Variants in LRRC7 observed in about 807,000 individuals in gnomAD.
The protein encoded by LRRC7 is leucine rich repeat containing 7, also known as leucine-rich repeat-containing protein 7.
In LRRC7, 23 loss-of-function variants were observed where a neutral mutation model predicts 175.7. That is an observed-to-expected ratio of 0.13 (90% CI 0.09 to 0.19). The LOEUF (loss-of-function observed/expected upper bound fraction) is 0.19. Among genes scored for constraint, LRRC7 ranks in the 10% least tolerant of loss-of-function variants. LRRC7 has a pLI of 1.00. For synonymous variants in LRRC7, 685 were observed against 680.9 expected, an observed-to-expected ratio of 1.01 and a Z score of -0.09; for missense variants, 1,354 against 1,904.7, an observed-to-expected ratio of 0.71 and a Z score of 5.38.
At chr1:69,793,624 A>G (rs1346664693) in intron 4 of LRRC7, among the ~76,000 whole-genome samples, 3 of 150,424 alleles carry the variant, frequency 2.0e-5, no homozygotes, top group Non-Finnish European at 4.4e-5. Context: ...ATAGAAGCAC[A>G]TTTTACTCTT....
At chr1:70,057,983 C>G (rs1446584703) in intron 23 of LRRC7, among the ~76,000 whole-genome samples, 2 of 150,002 alleles carry the variant, frequency 1.3e-5, no homozygotes, top group Non-Finnish European at 3.0e-5. Context: ...GATTTTATTT[C>G]TCTCTTGCTA....
In LRRC7 at chr1:69,887,380, G is replaced by A. The variant is rs1369681608; in HGVS notation, c.648-44127G>A. Among the ~76,000 whole-genome samples the A allele has an allele frequency of 5.2e-5, 7 of 135,544 alleles. No homozygotes were observed. The East Asian group carries it at 8.5e-4, about 16-fold the overall frequency. The allele number at this position is 135,544 out of a possible 152,430, so 88.9% of individuals were successfully genotyped here. ...CATTTCATTCATTTCATCTTCCATT[G>A]CTGATACCCTTTCTTCCAGTTGATC... On this transcript the variant is annotated intron_variant, in intron 7 of 26. Coordinates refer to ENST00000651989, the MANE Select transcript of LRRC7 (RefSeq NM_001370785.2).
At chr1:70,036,339 T>TA in intron 19 of LRRC7, 105 bp from the exon 20 acceptor site, 1 of 1,390,136 alleles carries the variant, frequency 7.2e-7, no homozygotes, top group Non-Finnish European at 9.9e-7. Context: ...GTTTTACAAA[T>TA]ATGCATTTCT....
At chr1:69,970,357 A>G (rs1652109062) in intron 8 of LRRC7, among the ~76,000 whole-genome samples, 2 of 152,234 alleles carry the variant, frequency 1.3e-5, no homozygotes, top group South Asian at 4.1e-4. Flanking sequence ...CTTCGAAAAG[A>G]TAAATAAAAC....
intron 3 of LRRC7, among the ~76,000 whole-genome samples, chr1:69,774,402 C>G (rs1403064054): frequency 6.6e-6 from 1 of 150,632 alleles, no homozygotes; most frequent in African/African-American, 2.4e-5. Context: ...ACTTCAGGAA[C>G]AAAAAAAAAC....
rs752653970 is a variant in LRRC7 at position 70,053,153 on chromosome 1, A to T, written c.4230+8A>T. 6.3e-7 allele frequency: 1 copy of T among 1,597,748 alleles called. No homozygotes were observed. Among genetic ancestry groups the T allele is most frequent in the East Asian group, 2.3e-5 (1 of 44,280 alleles). ...GACACCATTACTAAGAAGGTAACCA[A>T]TTTTTAATTAACAAGACAAACCATG... On this transcript the variant is annotated splice_region_variant and intron_variant, in intron 23 of 26. Transcript: ENST00000651989.
Position 70,023,276 on chromosome 1 carries a change from T to A in LRRC7, c.1696T>A (p.Trp566Arg). Residue 566 changes from tryptophan (W) to arginine (R), a missense_variant, in exon 17 of 27, where the codon TGG becomes AGG. This residue lies in a region of LRRC7 where 1,032 missense variants were observed against 1,227.2 expected (regional missense o/e 0.84). Transcript: ENST00000651989. ...CCCCCAGAATGACCCACAGCTGGCA[T>A]GGGGTTGTATAAGTGGCCTCCAGCA... ...PVPQNDPQLA[W>R]GCISGLQQER... The A allele has an allele frequency of 6.2e-7, 1 of 1,613,414 alleles. No homozygotes were observed. Among genetic ancestry groups the A allele is most frequent in the Non-Finnish European group, 8.5e-7 (1 of 1,179,642 alleles).
Position 70,039,267 on chromosome 1 carries a change from C to T in LRRC7, c.3443C>T (p.Ala1148Val), listed in dbSNP as rs149601487. The T allele has an allele frequency of 4.9e-5, 79 of 1,614,028 alleles. No homozygotes were observed. Among genetic ancestry groups the T allele is most frequent in the South Asian group, 1.4e-4 (13 of 91,070 alleles). Residue 1148 changes from alanine to valine, a missense_variant, in exon 21 of 27, where the codon GCG becomes GTG. Coordinates refer to ENST00000651989, the MANE Select transcript of LRRC7 (RefSeq NM_001370785.2). ...CAGTTCGCAAGCCAAGGGGCCAGGG[C>T]GGGCTTCCTGAGAAGGGCCGACTCC... ...NAQFASQGAR[A>V]GFLRRADSLV... is the part of the protein sequence containing the mutation.
chr1:69,932,133 T>G (rs1315940839), intron 8 of LRRC7, among the ~76,000 whole-genome samples: 1 of 152,218 alleles, frequency 6.6e-6, no homozygotes, highest in Non-Finnish European at 1.5e-5. Context: ...TGTTTAAAAT[T>G]TGCCTGAAGA....
intron 18 of LRRC7, among the ~76,000 whole-genome samples, chr1:70,033,689 C>T (rs1438639902): frequency 6.6e-6 from 1 of 152,096 alleles, no homozygotes; most frequent in Non-Finnish European, 1.5e-5. Context: ...ATGCAGAGTT[C>T]CGGTCATAAT....
At chr1:69,979,431 G>A (rs1653187032) in intron 8 of LRRC7, among the ~76,000 whole-genome samples, 1 of 152,206 alleles carries the variant, frequency 6.6e-6, no homozygotes, top group South Asian at 2.1e-4. Flanking sequence ...CATCTAGTTA[G>A]AGAAAGAAAG....
chr1:69,671,581 T>G (rs1659083599), intron 1 of LRRC7, among the ~76,000 whole-genome samples: 1 of 152,064 alleles, frequency 6.6e-6, no homozygotes, highest in Non-Finnish European at 1.5e-5. Context: ...TACCTTAGAG[T>G]TGCAGTTCCA....
At chr1:69,928,696 C>T (rs1486280262) in intron 7 of LRRC7, among the ~76,000 whole-genome samples, 1 of 152,212 alleles carries the variant, frequency 6.6e-6, no homozygotes, top group Non-Finnish European at 1.5e-5. Flanking sequence ...CCCGATTTTC[C>T]AGGTGCCGTC....
chr1:69,637,080 T>TCTCTCTCTCTCTCTCTCTCTCTCTCTC (rs1553130024), intron 1 of LRRC7, among the ~76,000 whole-genome samples: 1 of 148,586 alleles, frequency 6.7e-6, no homozygotes, highest in Admixed American at 6.8e-5. Flanking sequence ...CCTTCTCTCT[T>TCTCTCTCTCTCTCTCTCTCTCTCTCTC]TCTCTCTCTC....
chr1:69,734,603 C>G (rs908476856), intron 2 of LRRC7, among the ~76,000 whole-genome samples: 2 of 151,790 alleles, frequency 1.3e-5, no homozygotes, highest in African/African-American at 2.4e-5. Flanking sequence ...TTAAGTTCTT[C>G]TAAATTTTCT....
chr1:69,693,964 G>A (rs75357962), intron 2 of LRRC7, among the ~76,000 whole-genome samples: 11,990 of 152,190 alleles, frequency 0.079, 553 homozygotes, highest in East Asian at 0.14. Flanking sequence ...GGTTTCACAT[G>A]AGAGATATGA....
Position 70,043,051 on chromosome 1 carries a change from T to C in LRRC7, c.3970-903T>C, listed in dbSNP as rs1660048812. Among the ~76,000 whole-genome samples, 3 of 152,166 alleles carry C rather than the reference T, an allele frequency of 2.0e-5. No individual in the cohort carries two copies. The South Asian group carries it at 6.2e-4, about 31-fold the overall frequency. ...AAAGGGGCCAAATGCTGTCAATGATTACATTTCCATTGTAGATTGAAGGAG... is the reference window on the plus strand; with the variant it reads ...AAAGGGGCCAAATGCTGTCAATGATCACATTTCCATTGTAGATTGAAGGAG... On this transcript the variant is annotated intron_variant, in intron 21 of 26. Transcript: ENST00000651989.
intron 2 of LRRC7, among the ~76,000 whole-genome samples, chr1:69,753,575 C>T (rs552241585): frequency 2.0e-5 from 3 of 151,996 alleles, no homozygotes; most frequent in South Asian, 2.1e-4. Context: ...TGAAAAAGCA[C>T]GGTGACAGAT....
intron 4 of LRRC7, among the ~76,000 whole-genome samples, chr1:69,807,004 G>C (rs554990359): frequency 6.6e-6 from 1 of 152,162 alleles, no homozygotes; most frequent in East Asian, 1.9e-4. Context: ...TATGTATTTA[G>C]GATAGTTAGC....
Sources: gnomAD v4.1 joint callset for allele counts (sites outside exome capture counted in the v4.1 genomes callset) on GRCh38, gnomAD v4.1.1 for gene constraint, gnomAD v4.1.1 regional missense constraint, MANE v1.5 for transcripts, NCBI Gene and HGNC (gene_info 2026-07-23, HGNC 2026-07-21) for gene names.